PDCD11: variants seen among roughly 807,000 people sequenced by gnomAD.
The protein encoded by PDCD11 is programmed cell death 11, also known as protein RRP5 homolog.
Under a neutral mutation model 198.9 loss-of-function variants are expected in PDCD11, and 97 were observed. The ratio of observed to expected loss-of-function variants is 0.49; its 90% CI spans 0.41 to 0.58. The LOEUF is 0.58. Among genes scored for constraint, PDCD11 ranks in the 20% least tolerant of loss-of-function variants. The pLI, the probability that PDCD11 is intolerant of heterozygous loss-of-function variation, is 0.00. For missense variants in PDCD11, 2,102 were observed against 2,312.7 expected (o/e 0.91, Z 1.87); for synonymous variants, 893 against 918.0 (o/e 0.97, Z 0.49).
Position 103,403,103 on chromosome 10 carries a change from CT to C in PDCD11, c.235-10del. 2 of 1,612,812 alleles carry C rather than the reference CT, an allele frequency of 1.2e-6. No homozygotes were observed. The highest frequency in any genetic ancestry group is 1.7e-6 in the Non-Finnish European group (2 of 1,179,040). ...TCCCATCCTTATTGTACACATTTCA[CT>C]TTTTCTCTTCTAGTCCCTGTGTGAG... On this transcript the variant is annotated splice_polypyrimidine_tract_variant and intron_variant, in intron 3 of 35. Coordinates refer to ENST00000369797, the MANE Select transcript of PDCD11 (RefSeq NM_014976.2).
chr10:103,430,146 A>G (rs1285824353), intron 21 of PDCD11, among the ~76,000 whole-genome samples: 3 of 152,022 alleles, frequency 2.0e-5, no homozygotes, highest in African/African-American at 7.3e-5. Context: ...ACGCACCAAC[A>G]TGCCTAGCTA....
In PDCD11 at chr10:103,431,600, G is replaced by GA. The variant is rs990870847; in HGVS notation, c.3369-520dup. ...AAGCAAGACTCTGTCTCAAAAAAAA[G>GA]AAAAAAAAATTACTTGAATAAATGA... On this transcript the variant is annotated intron_variant, in intron 21 of 35. Coordinates refer to ENST00000369797, the MANE Select transcript of PDCD11 (RefSeq NM_014976.2). Among the ~76,000 whole-genome samples, 17 of 144,166 alleles carry GA rather than the reference G, an allele frequency of 1.2e-4. No individual in the cohort carries two copies. The East Asian group carries it at 2.7e-3, about 23-fold the overall frequency. The allele number at this position is 144,166 out of a possible 152,430, so 94.6% of individuals were successfully genotyped here. A position where few individuals can be genotyped will look rare whatever the true frequency, so the allele number is the denominator to read the frequency against.
chr10:103,437,340 C>T (rs1351574008), intron 25 of PDCD11, among the ~76,000 whole-genome samples: 6 of 152,108 alleles, frequency 3.9e-5, no homozygotes, highest in Non-Finnish European at 5.9e-5. Context: ...GACAGGGTCT[C>T]GCTTTGCTGC....
At position 103,434,309 on chromosome 10, in the gene PDCD11, G is replaced by T; in HGVS notation, c.3626G>T (p.Gly1209Val). 6.2e-7 allele frequency: 1 copy of T among 1,613,648 alleles called. No homozygotes were observed. Among genetic ancestry groups the T allele is most frequent in the Non-Finnish European group, 8.5e-7 (1 of 1,179,514 alleles). ...VGQALRATVV[G>V]PDSSKTLLCL... ...CAGGCCCTGAGGGCCACCGTTGTTG[G>T]CCCAGATTCCTCCAAGACCCTCTTA... The change falls in exon 24 of 36, where the codon GGC (glycine) becomes GTC (valine). Residue 1209 changes from glycine to valine, a missense_variant. Transcript: ENST00000369797.
At chr10:103,397,226 T>C (rs1446702033) in intron 1 of PDCD11, among the ~76,000 whole-genome samples, 1 of 151,630 alleles carries the variant, frequency 6.6e-6, no homozygotes, top group Non-Finnish European at 1.5e-5. Flanking sequence ...TTTTTTTTTT[T>C]TTTTCTGTCA....
chr10:103,421,213 G>A (rs2031402399), intron 16 of PDCD11, 135 bp from the exon 17 acceptor site: 4 of 658,602 alleles, frequency 6.1e-6, no homozygotes, highest in African/African-American at 3.6e-5. Context: ...AAGTAGAGCT[G>A]TGTTCAGAGA....
intron 7 of PDCD11, among the ~76,000 whole-genome samples, chr10:103,409,230 G>A (rs145749249): frequency 1.2e-3 from 183 of 152,236 alleles, no homozygotes; most frequent in Middle Eastern, 3.4e-3. Flanking sequence ...TATCTTTTGA[G>A]GGGATTGTTA....
At position 103,425,456 on chromosome 10, in the gene PDCD11, C is replaced by T; in HGVS notation, c.3236C>T (p.Thr1079Ile). 6.2e-7 allele frequency: 1 copy of T among 1,613,972 alleles called. No homozygotes were observed. Among genetic ancestry groups the T allele is most frequent in the Non-Finnish European group, 8.5e-7 (1 of 1,179,990 alleles). Residue 1079 changes from threonine (T) to isoleucine (I), a missense_variant, in exon 20 of 36, where the codon ACT becomes ATT. Coordinates refer to ENST00000369797, the MANE Select transcript of PDCD11 (RefSeq NM_014976.2). ...LDDVPEGTSP[T>I]TKLKVGKTVT... ...GATGTTCCAGAGGGCACCTCTCCTA[C>T]TACCAAGCTGAAGGTTGGGAAGACG...
chr10:103,439,077 C>T (rs536166424), intron 27 of PDCD11, among the ~76,000 whole-genome samples: 1 of 152,276 alleles, frequency 6.6e-6, no homozygotes, highest in South Asian at 2.1e-4. Flanking sequence ...TGGCTCATGC[C>T]TGGAATCCTA....
In PDCD11 at chr10:103,434,981, C is replaced by T. The variant is rs377133420; in HGVS notation, c.3845+6C>T. The T allele has an allele frequency of 4.6e-6, 7 of 1,516,216 alleles. No homozygotes were observed. The highest frequency in any genetic ancestry group is 2.5e-5 in the East Asian group (1 of 39,408). 93.9% of individuals were successfully genotyped at this position (1,516,216 alleles called of 1,614,324 possible). On this transcript the variant is annotated splice_donor_region_variant and intron_variant, in intron 25 of 35. Coordinates refer to ENST00000369797, the MANE Select transcript of PDCD11 (RefSeq NM_014976.2). ...GTCCCCCAGAAGGTTGTCAGGTAAG[C>T]GAAGTGTTCTTCCTCTTTTCACCTG...
intron 4 of PDCD11, 93 bp downstream of exon 4, chr10:103,403,378 G>A (rs1398118280): frequency 2.5e-6 from 3 of 1,189,940 alleles, no homozygotes; most frequent in African/African-American, 3.1e-5. Context: ...AGAAGGGAAA[G>A]TACAAGGTCC....
chr10:103,443,271 A>G lies in PDCD11; in HGVS notation c.5062A>G (p.Asn1688Asp), dbSNP rs1476196940. The G allele has an allele frequency of 6.2e-7, 1 of 1,612,914 alleles. No homozygotes were observed. Among genetic ancestry groups the G allele is most frequent in the African/African-American group, 1.3e-5 (1 of 75,004 alleles). ...GGTCTTTGAGCGAGCCGTGCAGTAC[A>G]ACGAGCCTCTCAAAGTCTTTCTCCA... ...TKVFERAVQYNEPLKVFLHLA... is the reference protein window; with the variant it reads ...TKVFERAVQYDEPLKVFLHLA... Residue 1688 changes from asparagine to aspartate, a missense_variant, in exon 33 of 36, where the codon AAC becomes GAC. Asn to Asp is a conservative substitution (Grantham distance 23). Coordinates refer to ENST00000369797, the MANE Select transcript of PDCD11 (RefSeq NM_014976.2).
chr10:103,443,150 C>G lies in PDCD11; in HGVS notation c.4956-15C>G, dbSNP rs749581290. On this transcript the variant is annotated splice_polypyrimidine_tract_variant and intron_variant, in intron 32 of 35. Coordinates refer to ENST00000369797, the MANE Select transcript of PDCD11 (RefSeq NM_014976.2). ...GTTTCATGTGGCGCTCATGTGCTGA[C>G]TGCTCTCCCTCCAGAGAGGAGCAGG... 1 of 1,561,624 alleles carries G rather than the reference C, an allele frequency of 6.4e-7. No homozygotes were observed. Among genetic ancestry groups the G allele is most frequent in the Non-Finnish European group, 8.7e-7 (1 of 1,147,972 alleles).
chr10:103,431,323 G>T (rs2031924214), intron 21 of PDCD11, among the ~76,000 whole-genome samples: 1 of 152,084 alleles, frequency 6.6e-6, no homozygotes, highest in Non-Finnish European at 1.5e-5. Flanking sequence ...GAGTGCCGTG[G>T]CTGACATCCA....
intron 21 of PDCD11, among the ~76,000 whole-genome samples, chr10:103,431,737 A>C (rs907775942): frequency 2.0e-5 from 3 of 152,218 alleles, no homozygotes; most frequent in Admixed American, 2.0e-4. Flanking sequence ...CTGGTTCAGT[A>C]GCATAAAATG....
At chr10:103,423,159 A>G (rs747546467) in intron 18 of PDCD11, 22 bp downstream of exon 18, 182 of 1,525,106 alleles carry the variant, frequency 1.2e-4, no homozygotes, top group Non-Finnish European at 1.5e-4. Flanking sequence ...TGTCTTACCC[A>G]TTGTGGTTGG....
chr10:103,422,550 G>A (rs775151880), intron 17 of PDCD11, among the ~76,000 whole-genome samples: 4 of 151,490 alleles, frequency 2.6e-5, no homozygotes, highest in East Asian at 1.9e-4. Context: ...GAATTCACTC[G>A]CCTTTTCACC....
At position 103,440,338 on chromosome 10, in the gene PDCD11, C is replaced by T; in HGVS notation, c.4197C>T (p.Asp1399=). 1 of 1,614,162 alleles carries T rather than the reference C, an allele frequency of 6.2e-7. No homozygotes were observed. The part of the protein sequence containing the change: ...NLVELSFLPG[D]TGKPDVLSAS... ...TAGAGCTGTCTTTCCTCCCCGGAGACACTGGGAAGCCAGACGTGCTTTCTG... is the reference window on the plus strand; with the variant it reads ...TAGAGCTGTCTTTCCTCCCCGGAGATACTGGGAAGCCAGACGTGCTTTCTG... The change falls in exon 29 of 36, where the codon GAC becomes GAT. Residue 1399 remains aspartate, a synonymous_variant. Coordinates refer to ENST00000369797, the MANE Select transcript of PDCD11 (RefSeq NM_014976.2).
chr10:103,407,134 A>G (rs560449685), intron 7 of PDCD11, among the ~76,000 whole-genome samples: 2 of 152,318 alleles, frequency 1.3e-5, no homozygotes, highest in African/African-American at 4.8e-5. Flanking sequence ...CTTATCCGTC[A>G]TAACCCCCAT....
Sources: gnomAD v4.1 joint callset for allele counts (sites outside exome capture counted in the v4.1 genomes callset) on GRCh38, gnomAD v4.1.1 for gene constraint, MANE v1.5 for transcripts, NCBI Gene and HGNC (gene_info 2026-07-23, HGNC 2026-07-21) for gene names.